LRRC37A2: variants seen among roughly 807,000 people sequenced by gnomAD.
LRRC37A2 encodes the protein leucine rich repeat containing 37 member A2.
Under a neutral mutation model 68.8 loss-of-function variants are expected in LRRC37A2, and 9 were observed. The observed-to-expected ratio is 0.13, with a 90% CI of 0.08 to 0.23. LRRC37A2 has a LOEUF of 0.23. LRRC37A2 is among the 10% of genes least tolerant of loss of function. The pLI is 1.00. For missense variants in LRRC37A2, 168 were observed against 950.4 expected, an observed-to-expected ratio of 0.18 and a Z score of 10.82; for synonymous variants, 63 against 367.6, an observed-to-expected ratio of 0.17 and a Z score of 9.48.
the LRRC37A2 span, among the ~76,000 whole-genome samples, chr17:47,027,779 T>C: frequency 2.0e-5 from 3 of 152,374 alleles, no homozygotes; most frequent in African/African-American, 7.2e-5. Flanking sequence ...GCAAGGATTA[T>C]TGTGAGAATT....
At chr17:46,903,253 C>T in the LRRC37A2 span, among the ~76,000 whole-genome samples, 9 of 149,752 alleles carry the variant, frequency 6.0e-5, no homozygotes, top group Admixed American at 1.3e-4. Flanking sequence ...TGCACTCCAG[C>T]GTGGGCAACA....
chr17:46,936,391 C>A, the LRRC37A2 span: 2 of 985,232 alleles, frequency 2.0e-6, no homozygotes, highest in African/African-American at 3.5e-5. Flanking sequence ...ATCAGCACAC[C>A]TCTTGCCACC....
At chr17:47,020,991 A>G in the LRRC37A2 span, among the ~76,000 whole-genome samples, 2 of 151,938 alleles carry the variant, frequency 1.3e-5, no homozygotes, top group Non-Finnish European at 2.9e-5. Context: ...TTAAATAGAA[A>G]AAAAATGGGA....
chr17:46,807,437 A>T, the LRRC37A2 span, among the ~76,000 whole-genome samples: 1 of 152,320 alleles, frequency 6.6e-6, no homozygotes, highest in Middle Eastern at 3.4e-3. Flanking sequence ...AGCCGAGATC[A>T]TGCTACTGCA....
the LRRC37A2 span, among the ~76,000 whole-genome samples, chr17:46,808,894 GC>G: frequency 6.6e-6 from 1 of 152,200 alleles, no homozygotes; most frequent in African/African-American, 2.4e-5. Context: ...AGGTCGAGGG[GC>G]CCATCCACCT....
chr17:46,494,812 C>T, the LRRC37A2 span, among the ~76,000 whole-genome samples: 1 of 150,850 alleles, frequency 6.6e-6, no homozygotes, highest in Non-Finnish European at 1.5e-5. Context: ...GATGTTTATC[C>T]TTTTTTTTGT....
the LRRC37A2 span, chr17:46,713,987 GT>G: frequency 6.3e-7 from 1 of 1,596,748 alleles, no homozygotes; most frequent in Non-Finnish European, 8.5e-7. Flanking sequence ...CATGAAGAAG[GT>G]ATCAAGATTT....
At chr17:46,824,275 G>A in the LRRC37A2 span, among the ~76,000 whole-genome samples, 4 of 152,324 alleles carry the variant, frequency 2.6e-5, no homozygotes, top group Middle Eastern at 3.4e-3. Context: ...TTGAGACGGT[G>A]TCTTGCTCTG....
the LRRC37A2 span, among the ~76,000 whole-genome samples, chr17:46,850,944 C>G: frequency 1.3e-5 from 2 of 152,220 alleles, no homozygotes; most frequent in African/African-American, 2.4e-5. Context: ...CTGCGCGCCT[C>G]GCCGGTAACA....
the LRRC37A2 span, among the ~76,000 whole-genome samples, chr17:46,871,543 G>C: frequency 6.6e-6 from 1 of 152,162 alleles, no homozygotes; most frequent in Non-Finnish European, 1.5e-5. Flanking sequence ...AGTTTGGGAA[G>C]CTCCAGCTAG....
chr17:46,795,597 T>A, the LRRC37A2 span, among the ~76,000 whole-genome samples: 1 of 152,286 alleles, frequency 6.6e-6, no homozygotes, highest in South Asian at 2.1e-4. Context: ...ACCACAGGTG[T>A]CCAGCCTGCA....
the LRRC37A2 span, among the ~76,000 whole-genome samples, chr17:46,914,664 A>T: frequency 6.6e-6 from 1 of 151,242 alleles, no homozygotes; most frequent in Non-Finnish European, 1.5e-5. Context: ...AAAAAAAAAA[A>T]AAAAAAAAAG....
chr17:46,861,381 T>A, the LRRC37A2 span, among the ~76,000 whole-genome samples: 1 of 152,158 alleles, frequency 6.6e-6, no homozygotes, highest in Non-Finnish European at 1.5e-5. Flanking sequence ...GTGGGCAGCG[T>A]CCTCTCCCTT....
exon 2 of LRRC37A2, chr17:46,514,984 G>C: frequency 1.3e-6 from 1 of 768,272 alleles, no homozygotes; most frequent in Non-Finnish European, 1.9e-6. Flanking sequence ...CATCATTCCA[G>C]AACCCACTAC....
rs2056769087 is a variant in LRRC37A2, at chr17:46,551,162, A to ACT, written c.4809+644_4809+645insTC. ...CACCATTTCTTGGACACCATGTGAG[A>ACT]CATTCCCCCTCAGATTAGAGATGCT... On this transcript the variant is annotated intron_variant, in intron 11 of 14. Coordinates refer to ENST00000576629, the Ensembl canonical transcript of LRRC37A2. Among the ~76,000 whole-genome samples the ACT allele has an allele frequency of 6.0e-5, 9 of 149,588 alleles. No individual in the cohort carries two copies. The South Asian group carries it at 1.9e-3, about 31-fold the overall frequency.
At chr17:46,856,997 T>C in the LRRC37A2 span, among the ~76,000 whole-genome samples, 3 of 152,228 alleles carry the variant, frequency 2.0e-5, no homozygotes, top group Non-Finnish European at 2.9e-5. Context: ...TCTGGAAGTT[T>C]ATATCATGAA....
the LRRC37A2 span, among the ~76,000 whole-genome samples, chr17:46,844,901 G>A: frequency 6.6e-6 from 1 of 151,938 alleles, no homozygotes; most frequent in African/African-American, 2.4e-5. Context: ...GGGCTGGAGT[G>A]CAATGGTGGG....
the LRRC37A2 span, among the ~76,000 whole-genome samples, chr17:46,791,562 C>T: frequency 6.6e-6 from 1 of 152,294 alleles, no homozygotes; most frequent in East Asian, 1.9e-4. Flanking sequence ...GCCTCACCTC[C>T]TCTCCCACTC....
chr17:47,033,085 C>T, the LRRC37A2 span, among the ~76,000 whole-genome samples: 5 of 151,794 alleles, frequency 3.3e-5, no homozygotes, highest in African/African-American at 4.8e-5. Context: ...GGCATGGGGA[C>T]GGGTACCTAT....
Sources: gnomAD v4.1 joint callset for allele counts (sites outside exome capture counted in the v4.1 genomes callset) on GRCh38, gnomAD v4.1.1 for gene constraint, MANE v1.5 for transcripts, NCBI Gene and HGNC (gene_info 2026-07-23, HGNC 2026-07-21) for gene names.